The following RPUSD2 variants were observed in gnomAD, a reference collection of about 807,000 sequenced individuals.
The protein encoded by RPUSD2 is pseudouridylate synthase RPUSD2.
Under a neutral mutation model 41.5 loss-of-function variants are expected in RPUSD2, and 31 were observed. The observed-to-expected ratio is 0.75, with a 90% CI of 0.56 to 1.01. The LOEUF (loss-of-function observed/expected upper bound fraction) is 1.01, where lower values mean the gene tolerates loss of function less well. Among genes scored for constraint, RPUSD2 ranks in the 50% least tolerant of loss-of-function variants. The pLI, the probability that RPUSD2 is intolerant of heterozygous loss-of-function variation, is 0.00. For missense variants in RPUSD2, 749 were observed against 724.7 expected, an observed-to-expected ratio of 1.03 and a Z score of -0.38; for synonymous variants, 305 against 289.7, an observed-to-expected ratio of 1.05 and a Z score of -0.54.
chr15:40,570,038 G>C, intron 1 of RPUSD2, 95 bp downstream of exon 1: 10 of 943,952 alleles, frequency 1.1e-5, no homozygotes, highest in Non-Finnish European at 1.4e-5. Context: ...TAAAGCATAG[G>C]TACTGGATTA....
intron 2 of RPUSD2, 105 bp downstream of exon 2, chr15:40,572,005 C>A (rs1316190120): frequency 1.7e-6 from 2 of 1,206,068 alleles, no homozygotes; most frequent in Non-Finnish European, 2.3e-6. Flanking sequence ...ATTTATCTGG[C>A]CATCCTTCCT....
Position 40,573,541 on chromosome 15 carries a change from C to G in RPUSD2, c.918C>G (p.Tyr306Ter), listed in dbSNP as rs142644575. Residue 306 changes from tyrosine (Y) to a stop codon, truncating the protein, a stop_gained, in exon 3 of 3, where the codon TAC (tyrosine) becomes TAG (stop). Transcript: ENST00000315616. LOFTEE classifies it high-confidence loss of function. ...CTCCTATGTAGCTGGAGAAGGAGTA[C>G]GTGTGCCGGGTGGAAGGGGAGTTCC... Reference protein sequence around the residue: ...QVRDRQLEKEYVCRVEGEFPT... With the variant: ...QVRDRQLEKE 1 of 1,612,210 alleles carries G rather than the reference C, an allele frequency of 6.2e-7. No individual in the cohort carries two copies. The highest frequency in any genetic ancestry group is 1.3e-5 in the African/African-American group (1 of 74,904).
At position 40,573,973 on chromosome 15, in the gene RPUSD2, C is replaced by G. The variant is rs1244953661; in HGVS notation, c.1350C>G (p.Gly450=). 1 of 1,614,076 alleles carries G rather than the reference C, an allele frequency of 6.2e-7. No individual in the cohort carries two copies. The highest frequency in any genetic ancestry group is 1.6e-4 in the Middle Eastern group (1 of 6,062). The change falls in exon 3 of 3, where the codon GGC becomes GGG. Residue 450 remains glycine (G), a synonymous_variant. Coordinates refer to ENST00000315616, the MANE Select transcript of RPUSD2 (RefSeq NM_152260.3). ...TDSTAPSSEL[G]KDDLEELAAA... is the part of the protein sequence containing the mutation. Reference sequence around the variant, plus strand: ...CTACGGCCCCCTCCTCAGAGTTGGGCAAGGACGACCTGGAAGAGTTGGCTG... The same window carrying G: ...CTACGGCCCCCTCCTCAGAGTTGGGGAAGGACGACCTGGAAGAGTTGGCTG...
rs1891146112 is a variant in RPUSD2, at chr15:40,571,784, C to A, written c.787C>A (p.Gln263Lys). The A allele has an allele frequency of 6.2e-7, 1 of 1,614,108 alleles. No individual in the cohort carries two copies. The highest frequency in any genetic ancestry group is 1.7e-5 in the Admixed American group (1 of 60,008). Reference sequence around the variant, plus strand: ...TATCTTCATCCTAGGCAAGGAGCACCAACTCAAGGAGCTACACCCCTTGCA... The same window carrying A: ...TATCTTCATCCTAGGCAAGGAGCACAAACTCAAGGAGCTACACCCCTTGCA... ...TVIFILGKEHQLKELHPLHRL... is the reference protein window; with the variant it reads ...TVIFILGKEHKLKELHPLHRL... Residue 263 changes from glutamine to lysine, a missense_variant, in exon 2 of 3, where the codon CAA becomes AAA. Physicochemically the swap from Gln to Lys is moderately conservative, Grantham distance 53. Coordinates refer to ENST00000315616, the MANE Select transcript of RPUSD2 (RefSeq NM_152260.3).
rs545082800 is a variant in RPUSD2 at position 40,572,359 on chromosome 15, G to A, written c.903+459G>A. ...GGGCAGATCACGAGGTCAGGAGATC[G>A]AGGTCATCCTGGCTAACACGGTGAA... On this transcript the variant is annotated intron_variant, in intron 2 of 2. Coordinates refer to ENST00000315616, the MANE Select transcript of RPUSD2 (RefSeq NM_152260.3). Among the ~76,000 whole-genome samples the A allele has an allele frequency of 1.1e-4, 17 of 151,880 alleles. No homozygotes were observed. In the East Asian group the frequency reaches 3.3e-3, roughly 29 times the overall value.
Position 40,574,156 on chromosome 15 carries a change from C to A in RPUSD2, c.1533C>A (p.Pro511=). Residue 511 remains proline (P), a synonymous_variant, in exon 3 of 3, where the codon CCC becomes CCA. Coordinates refer to ENST00000315616, the MANE Select transcript of RPUSD2 (RefSeq NM_152260.3). The part of the protein sequence containing the change: ...ECRLVRQDPL[P]QDLVMFLHAL... The stretch of plus-strand genomic sequence containing the variant: ...GGCTGGTGCGACAGGATCCCTTGCC[C>A]CAAGACCTTGTGATGTTCCTACATG... 6.2e-7 allele frequency: 1 copy of A among 1,614,178 alleles called. No individual in the cohort carries two copies. Among genetic ancestry groups the A allele is most frequent in the Non-Finnish European group, 8.5e-7 (1 of 1,180,028 alleles).
chr15:40,570,956 G>C (rs146052847), intron 1 of RPUSD2, among the ~76,000 whole-genome samples: 2 of 151,828 alleles, frequency 1.3e-5, no homozygotes, highest in African/African-American at 4.8e-5. Context: ...GATTTATGGA[G>C]GTTTTTTCCT....
rs1442197103 is a variant in RPUSD2, at chr15:40,569,745, G to A, written c.408G>A (p.Glu136=). ...EHFAETSYYF[E]GGLRKVRPYY... is the part of the protein sequence containing the mutation. ...TTGCAGAAACCAGTTATTACTTCGA[G>A]GGCGGCCTGCGTAAGGTGCGGCCCT... Residue 136 remains glutamate (E), a synonymous_variant, in exon 1 of 3, where the codon GAG becomes GAA. Coordinates refer to ENST00000315616, the MANE Select transcript of RPUSD2 (RefSeq NM_152260.3). 6.2e-7 allele frequency: 1 copy of A among 1,604,262 alleles called. No individual in the cohort carries two copies. Among genetic ancestry groups the A allele is most frequent in the Non-Finnish European group, 8.5e-7 (1 of 1,175,554 alleles).
intron 2 of RPUSD2, among the ~76,000 whole-genome samples, chr15:40,572,558 C>G (rs1595901534): frequency 6.9e-6 from 1 of 144,206 alleles, no homozygotes; most frequent in African/African-American, 2.7e-5. Flanking sequence ...GAGTGAGACT[C>G]TGTCTCAAAA....
intron 2 of RPUSD2, among the ~76,000 whole-genome samples, chr15:40,573,187 G>A (rs1485250557): frequency 1.3e-5 from 2 of 152,012 alleles, no homozygotes; most frequent in African/African-American, 4.8e-5. Flanking sequence ...ACCACGCCTG[G>A]CTAATTTTGT....
chr15:40,573,428 T>G, intron 2 of RPUSD2, 99 bp from the exon 3 acceptor site: 1 of 1,370,666 alleles, frequency 7.3e-7, no homozygotes. Context: ...AGAGCTGGAG[T>G]TTGAATTTTC....
chr15:40,569,989 C>G (rs1409129935), intron 1 of RPUSD2, 46 bp downstream of exon 1: 1 of 1,007,708 alleles, frequency 9.9e-7, no homozygotes, highest in South Asian at 2.2e-5. Context: ...GGAAAAGGGG[C>G]CGGGTTTTGT....
chr15:40,569,540 C>A lies in RPUSD2; in HGVS notation c.203C>A (p.Ser68Tyr), dbSNP rs745913148. The change falls in exon 1 of 3, where the codon TCC (serine) becomes TAC (tyrosine). Residue 68 changes from serine (S) to tyrosine (Y), a missense_variant. By Grantham distance (144) the Ser-to-Tyr change is moderately radical. Coordinates refer to ENST00000315616, the MANE Select transcript of RPUSD2 (RefSeq NM_152260.3). ...GGTGGCGACGCGAAGGTTGAGCTGT[C>A]CCCCGGGCCCCCGAAGCCGGCTGGC... ...DAGGDAKVEL[S>Y]PGPPKPAGRE... is the part of the protein sequence containing the mutation. The A allele has an allele frequency of 5.2e-6, 8 of 1,535,658 alleles. No homozygotes were observed. The highest frequency in any genetic ancestry group is 2.1e-5 in the Admixed American group (1 of 47,644).
At position 40,569,419 on chromosome 15, in the gene RPUSD2, T is replaced by A; in HGVS notation, c.82T>A (p.Trp28Arg). 1 of 1,552,430 alleles carries A rather than the reference T, an allele frequency of 6.4e-7. No individual in the cohort carries two copies. The highest frequency in any genetic ancestry group is 8.7e-7 in the Non-Finnish European group (1 of 1,155,460). ...TAGGCGCCCTAGCTTTACCAGGACT[T>A]GGAGTGGCGATAAGGGCCCAATGGC... The part of the protein sequence containing the change: ...DLRRPSFTRT[W>R]SGDKGPMAET... The change falls in exon 1 of 3, where the codon TGG becomes AGG. Residue 28 changes from tryptophan to arginine, a missense_variant. Physicochemically the swap from Trp to Arg is moderately radical, Grantham distance 101 (BLOSUM62 -3). Coordinates refer to ENST00000315616, the MANE Select transcript of RPUSD2 (RefSeq NM_152260.3).
rs761082307 is a variant in RPUSD2 at position 40,569,431 on chromosome 15, A to G, written c.94A>G (p.Lys32Glu). The change falls in exon 1 of 3, where the codon AAG becomes GAG. Residue 32 changes from lysine (K) to glutamate (E), a missense_variant. By Grantham distance (56) the Lys-to-Glu change is moderately conservative. Transcript: ENST00000315616. ...PSFTRTWSGDKGPMAETVSTQ... is the reference protein window; with the variant it reads ...PSFTRTWSGDEGPMAETVSTQ... ...CTTTACCAGGACTTGGAGTGGCGAT[A>G]AGGGCCCAATGGCAGAAACAGTGTC... The G allele has an allele frequency of 2.0e-5, 31 of 1,560,114 alleles. No individual in the cohort carries two copies. Among genetic ancestry groups the G allele is most frequent in the Non-Finnish European group, 6.0e-6 (7 of 1,158,574 alleles).
Position 40,574,769 on chromosome 15 carries a change from A to C in RPUSD2, c.*508A>C, listed in dbSNP as rs1440407113. ...TACATTCACAGTGTTGTACAACCAT[A>C]ACCTCATATATTTCCAAAACATTTT... On this transcript the variant is annotated 3_prime_UTR_variant, in exon 3 of 3. Coordinates refer to ENST00000315616, the MANE Select transcript of RPUSD2 (RefSeq NM_152260.3). 1 of 152,532 alleles carries C rather than the reference A, an allele frequency of 6.6e-6. No individual in the cohort carries two copies. The highest frequency in any genetic ancestry group is 2.4e-5 in the African/African-American group (1 of 41,438). 9.4% of individuals were successfully genotyped at this position (152,532 alleles called of 1,614,324 possible).
rs926194642 is a variant in RPUSD2, at chr15:40,570,013, GT to G, written c.606+76del. On this transcript the variant is annotated intron_variant, in intron 1 of 2. Coordinates refer to ENST00000315616, the MANE Select transcript of RPUSD2 (RefSeq NM_152260.3). The stretch of plus-strand genomic sequence containing the variant: ...GCCGGGTTTTGTTTTGTTTTGTTTT[GT>G]TTTTTAGTCTTAGTAAAGCATAGGT... 4 of 1,439,868 alleles carry G rather than the reference GT, an allele frequency of 2.8e-6. No homozygotes were observed. The African/African-American group carries it at 5.7e-5, about 21-fold the overall frequency. The allele number at this position is 1,439,868 out of a possible 1,614,324, so 89.2% of individuals were successfully genotyped here.
In RPUSD2 at chr15:40,569,488, G is replaced by T. The variant is rs1346208776; in HGVS notation, c.151G>T (p.Ala51Ser). The T allele has an allele frequency of 6.4e-7, 1 of 1,563,222 alleles. No individual in the cohort carries two copies. Among genetic ancestry groups the T allele is most frequent in the Admixed American group, 2.0e-5 (1 of 49,808 alleles). ...TQVGTEGGLR[A>S]SHQQNGDAGG... ...GGTTGGGACAGAGGGCGGGCTGAGG[G>T]CTTCGCATCAGCAAAACGGTGACGC... The change falls in exon 1 of 3, where the codon GCT (alanine) becomes TCT (serine). Residue 51 changes from alanine to serine, a missense_variant. Transcript: ENST00000315616.
Position 40,574,405 on chromosome 15 carries a change from C to A in RPUSD2, c.*144C>A. ...GAGACCTGCTCATACTTGCTACCTC[C>A]TTCCAGTGGGAATTTGGAGACTTTT... On this transcript the variant is annotated 3_prime_UTR_variant, in exon 3 of 3. Transcript: ENST00000315616. The A allele has an allele frequency of 1.1e-6, 1 of 916,916 alleles. No individual in the cohort carries two copies. The highest frequency in any genetic ancestry group is 1.6e-6 in the Non-Finnish European group (1 of 635,826). The allele number at this position is 916,916 out of a possible 1,614,324, so 56.8% of individuals were successfully genotyped here.
Sources: allele counts gnomAD v4.1 joint callset (sites outside exome capture counted in the v4.1 genomes callset), GRCh38; gene constraint gnomAD v4.1.1; transcripts MANE v1.5; gene names NCBI Gene and HGNC (gene_info 2026-07-23, HGNC 2026-07-21).